TXLNG: variants seen among roughly 807,000 people sequenced by gnomAD.
The protein encoded by TXLNG is taxilin gamma.
Under a neutral mutation model 38.8 loss-of-function variants are expected in TXLNG, and 5 were observed. The ratio of observed to expected loss-of-function variants is 0.13; its 90% confidence interval spans 0.07 to 0.27. The LOEUF (loss-of-function observed/expected upper bound fraction) is 0.27. Among genes scored for constraint, TXLNG ranks in the 10% least tolerant of loss-of-function variants. TXLNG has a pLI of 1.00. For missense variants in TXLNG, 393 were observed against 398.2 expected (o/e 0.99, Z 0.11); for synonymous variants, 182 against 158.2 (o/e 1.15, Z -1.13).
chrX:16,822,488 C>T (rs182019064), intron 3 of TXLNG, among the ~76,000 whole-genome samples: 1 of 111,881 alleles, frequency 8.9e-6, no homozygotes, highest in Non-Finnish European at 1.9e-5. Flanking sequence ...CCAGAGCAGT[C>T]ACAAATGCAA....
intron 1 of TXLNG, among the ~76,000 whole-genome samples, chrX:16,805,363 TA>T (rs1445257121): frequency 9.0e-6 from 1 of 111,323 alleles, no homozygotes; most frequent in Non-Finnish European, 1.9e-5. Context: ...GCTACTGAGA[TA>T]GCCCTGCTCT....
chrX:16,841,386 TGATA>T (rs1395259190), intron 9 of TXLNG, 38 bp from the exon 10 acceptor site: 1 of 1,127,580 alleles, frequency 8.9e-7, no homozygotes, highest in South Asian at 2.1e-5. Flanking sequence ...GTAACCTGAT[TGATA>T]TTTAACAGGG....
intron 7 of TXLNG, 97 bp from the exon 8 acceptor site, chrX:16,837,496 C>A: frequency 1.8e-6 from 1 of 546,910 alleles, no homozygotes; most frequent in Non-Finnish European, 2.9e-6. Flanking sequence ...GTATTTCTAT[C>A]ACTTGTAATA....
rs1358457360 is a variant in TXLNG at position 16,809,569 on chromosome X, C to T, written c.103-9005C>T. Among the ~76,000 whole-genome samples the T allele has an allele frequency of 2.7e-5, 3 of 110,148 alleles. No individual in the cohort carries two copies. In the Admixed American group the frequency reaches 2.9e-4, roughly 11 times the overall value. On this transcript the variant is annotated intron_variant, in intron 1 of 9. Coordinates refer to ENST00000380122, the MANE Select transcript of TXLNG (RefSeq NM_018360.3). Reference sequence around the variant, plus strand: ...ATGTTGGCCAGGCTGGCCTCGAACTCCTGACCTCAGTTTATCTGCCCGCCT... The same window carrying T: ...ATGTTGGCCAGGCTGGCCTCGAACTTCTGACCTCAGTTTATCTGCCCGCCT...
At chrX:16,795,154 G>A (rs1025846023) in intron 1 of TXLNG, among the ~76,000 whole-genome samples, 2 of 109,984 alleles carry the variant, frequency 1.8e-5, no homozygotes, top group African/African-American at 3.3e-5. Context: ...GTGGGCGCCT[G>A]TAGTCCCAGC....
rs1468568657 is a variant in TXLNG at position 16,818,761 on chromosome X, G to A, written c.290G>A (p.Ser97Asn). 2 of 1,212,167 alleles carry A rather than the reference G, an allele frequency of 1.6e-6. No homozygotes were observed. Among genetic ancestry groups the A allele is most frequent in the Non-Finnish European group, 1.1e-6 (1 of 895,640 alleles). The change falls in exon 2 of 10, where the codon AGC becomes AAC. Residue 97 changes from serine (S) to asparagine (N), a missense_variant. By Grantham distance (46) the Ser-to-Asn change is conservative. Coordinates refer to ENST00000380122, the MANE Select transcript of TXLNG (RefSeq NM_018360.3). ...ATAACAGAGAACAGGAATTTGGTGA[G>A]CCCAGCATACTGCACGCAAGAATCA... is the stretch of plus-strand genomic sequence containing the variant. ...DFITENRNLV[S>N]PAYCTQESRE...
intron 1 of TXLNG, among the ~76,000 whole-genome samples, chrX:16,801,082 G>A (rs1445995679): frequency 8.9e-6 from 1 of 112,869 alleles, no homozygotes; most frequent in Non-Finnish European, 1.9e-5. Context: ...AGAGCTCCCT[G>A]GGCCTCGCCA....
chrX:16,827,685 C>T (rs1929219345), intron 3 of TXLNG, among the ~76,000 whole-genome samples: 1 of 111,599 alleles, frequency 9.0e-6, no homozygotes. Flanking sequence ...TCAAGAAAGC[C>T]AGAGATTCAG....
At chrX:16,806,352 C>G (rs899226424) in intron 1 of TXLNG, among the ~76,000 whole-genome samples, 3 of 112,698 alleles carry the variant, frequency 2.7e-5, no homozygotes, top group African/African-American at 9.7e-5. Flanking sequence ...TCCACTGCCC[C>G]TCCCAGGGCA....
intron 3 of TXLNG, among the ~76,000 whole-genome samples, chrX:16,826,172 C>T (rs1460765386): frequency 8.9e-6 from 1 of 111,827 alleles, no homozygotes; most frequent in Non-Finnish European, 1.9e-5. Context: ...GCTCTGCACC[C>T]TGGTGAAATT....
At chrX:16,834,974 C>G (rs933448141) in intron 7 of TXLNG, among the ~76,000 whole-genome samples, 2 of 108,383 alleles carry the variant, frequency 1.8e-5, no homozygotes, top group African/African-American at 3.4e-5. Context: ...TGTTTTTCAT[C>G]AGGGCCCTCC....
At chrX:16,830,967 A>G (rs1405842020) in intron 5 of TXLNG, among the ~76,000 whole-genome samples, 1 of 107,128 alleles carries the variant, frequency 9.3e-6, no homozygotes, top group African/African-American at 3.4e-5. Context: ...TGGCTCCCCA[A>G]AGTGCTGGGA....
chrX:16,843,165 C>T lies in TXLNG; in HGVS notation c.*1399C>T, dbSNP rs1386426038. ...AGCACATTCCACTGAGCAAAACTATCAGACTGACACTTGTTAAATTGCTTA... is the reference window on the plus strand; with the variant it reads ...AGCACATTCCACTGAGCAAAACTATTAGACTGACACTTGTTAAATTGCTTA... On this transcript the variant is annotated 3_prime_UTR_variant, in exon 10 of 10. Transcript: ENST00000380122. The T allele has an allele frequency of 8.9e-6, 1 of 112,517 alleles. No homozygotes were observed. Among genetic ancestry groups the T allele is most frequent in the Admixed American group, 9.4e-5 (1 of 10,607 alleles). 9.3% of individuals were successfully genotyped at this position (112,517 alleles called of 1,213,427 possible). A position where few individuals can be genotyped will look rare whatever the true frequency, so the allele number is the denominator to read the frequency against.
At chrX:16,823,615 TGCTTGTTGCACTGACA>T (rs1929064705) in intron 3 of TXLNG, among the ~76,000 whole-genome samples, 1 of 111,335 alleles carries the variant, frequency 9.0e-6, no homozygotes, top group Non-Finnish European at 1.9e-5. Context: ...GATGTCATTG[TGCTTGTTGCACTGACA>T]TGCATAACTG....
At chrX:16,794,148 C>T (rs779905506) in intron 1 of TXLNG, among the ~76,000 whole-genome samples, 26 of 111,762 alleles carry the variant, frequency 2.3e-4, no homozygotes, top group South Asian at 3.7e-4. Context: ...TTCAGAGTTT[C>T]GGCTCTTTGG....
Position 16,843,717 on chromosome X carries a change from G to A in TXLNG, c.*1951G>A, listed in dbSNP as rs1193073808. 1 of 112,002 alleles carries A rather than the reference G, an allele frequency of 8.9e-6. No individual in the cohort carries two copies. The allele number at this position is 112,002 out of a possible 1,213,427, so 9.2% of individuals were successfully genotyped here. ...CTGTGTGGAAGATTGTAAATCTTGG[G>A]CCTGTTGCATACTTCCAAGGGCTTT... is the stretch of plus-strand genomic sequence containing the variant. On this transcript the variant is annotated 3_prime_UTR_variant, in exon 10 of 10. Transcript: ENST00000380122.
chrX:16,829,887 A>AG, intron 5 of TXLNG, 117 bp downstream of exon 5: 1 of 659,513 alleles, frequency 1.5e-6, no homozygotes, highest in Non-Finnish European at 2.3e-6. Context: ...GCATAGTGGC[A>AG]GTCGGTTATT....
chrX:16,809,192 T>TTGTGC (rs1209441451), intron 1 of TXLNG, among the ~76,000 whole-genome samples: 2 of 110,918 alleles, frequency 1.8e-5, no homozygotes, highest in African/African-American at 6.6e-5. Context: ...AGAGGTTCCC[T>TTGTGC]TGTGCTGCTG....
chrX:16,806,866 G>A (rs751605188), intron 1 of TXLNG, among the ~76,000 whole-genome samples: 3 of 104,215 alleles, frequency 2.9e-5, no homozygotes, highest in East Asian at 3.0e-4. Context: ...GCAGTGAGCC[G>A]AGGTCGTGCC....
Sources: allele counts gnomAD v4.1 joint callset (sites outside exome capture counted in the v4.1 genomes callset), GRCh38; gene constraint gnomAD v4.1.1; transcripts MANE v1.5; gene names NCBI Gene and HGNC (gene_info 2026-07-23, HGNC 2026-07-21).